ITPR1: variants seen among roughly 807,000 people sequenced by gnomAD.
ITPR1 encodes inositol 1,4,5-trisphosphate-gated calcium channel ITPR1.
A neutral mutation model predicts 318.4 loss-of-function variants in ITPR1; 96 were observed. The observed-to-expected ratio is 0.30, with a 90% confidence interval of 0.26 to 0.36. The LOEUF (loss-of-function observed/expected upper bound fraction) is 0.36, where lower values mean the gene tolerates loss of function less well. Ranked by LOEUF, ITPR1 falls within the 10% of genes least tolerant of loss-of-function variation. The pLI is 1.00. For missense variants in ITPR1, 2,440 were observed against 3,460.2 expected (o/e 0.71, Z 7.40); for synonymous variants, 1,312 against 1,289.9 (o/e 1.02, Z -0.37).
intron 44 of ITPR1, among the ~76,000 whole-genome samples, chr3:4,736,424 C>T (rs2043277053): frequency 6.6e-6 from 1 of 152,240 alleles, no homozygotes; most frequent in African/African-American, 2.4e-5. Flanking sequence ...GGTGAGATTT[C>T]AGTCCCTGCC....
At chr3:4,591,179 A>G (rs2090370460) in intron 4 of ITPR1, among the ~76,000 whole-genome samples, 2 of 152,352 alleles carry the variant, frequency 1.3e-5, no homozygotes, top group Middle Eastern at 6.8e-3. Context: ...ATAGTGCTTC[A>G]GTGAACATAA....
chr3:4,818,275 A>T (rs748759532), intron 60 of ITPR1, 33 bp downstream of exon 60: 2 of 1,539,098 alleles, frequency 1.3e-6, no homozygotes, highest in East Asian at 2.3e-5. Context: ...AGCAAGGTGG[A>T]CTTGGGGCCT....
At chr3:4,681,271 A>C in intron 25 of ITPR1, 93 bp from the exon 26 acceptor site, 1 of 854,374 alleles carries the variant, frequency 1.2e-6, no homozygotes, top group Non-Finnish European at 2.0e-6. Flanking sequence ...GGGTTAACTC[A>C]ACAGCTTTAC....
intron 2 of ITPR1, among the ~76,000 whole-genome samples, chr3:4,507,796 T>C (rs1206438924): frequency 6.6e-6 from 1 of 152,220 alleles, no homozygotes; most frequent in Non-Finnish European, 1.5e-5. Flanking sequence ...TGTCCTACAA[T>C]AGAAATTAGA....
At chr3:4,674,783 C>T (rs1000090745) in intron 22 of ITPR1, among the ~76,000 whole-genome samples, 1 of 150,946 alleles carries the variant, frequency 6.6e-6, no homozygotes, top group Non-Finnish European at 1.5e-5. Context: ...AATAACTCTG[C>T]TTGCCTGGTG....
At chr3:4,669,146 G>A (rs571289394) in intron 18 of ITPR1, among the ~76,000 whole-genome samples, 44 of 152,312 alleles carry the variant, frequency 2.9e-4, no homozygotes, top group African/African-American at 9.9e-4. Flanking sequence ...AAGCACTTCC[G>A]TTAATTATCT....
chr3:4,540,924 C>T (rs896005591), intron 4 of ITPR1, among the ~76,000 whole-genome samples: 3 of 151,694 alleles, frequency 2.0e-5, no homozygotes, highest in East Asian at 1.9e-4. Flanking sequence ...TCTGTTATTT[C>T]CCCCTCTACT....
Position 4,661,440 on chromosome 3 carries a change from A to G in ITPR1, c.1251+353A>G, listed in dbSNP as rs1468821701. Among the ~76,000 whole-genome samples the G allele has an allele frequency of 2.6e-5, 4 of 151,834 alleles. No homozygotes were observed. The East Asian group carries it at 5.8e-4, about 22-fold the overall frequency. The stretch of plus-strand genomic sequence containing the variant: ...TCAAGTATCTAGTTGATTTCCCCCA[A>G]TCTCTATTATTTGTTTCTCTCTATA... On this transcript the variant is annotated intron_variant, in intron 14 of 61. Coordinates refer to ENST00000649015, the MANE Select transcript of ITPR1 (RefSeq NM_001378452.1).
At chr3:4,800,212 G>C (rs2048138103) in intron 53 of ITPR1, 1 of 536,122 alleles carries the variant, frequency 1.9e-6, no homozygotes, top group Non-Finnish European at 3.2e-6. Flanking sequence ...GAGAAGGGAA[G>C]AACTTCCCAG....
intron 17 of ITPR1, among the ~76,000 whole-genome samples, chr3:4,666,111 A>G (rs766556286): frequency 1.3e-5 from 2 of 152,164 alleles, no homozygotes; most frequent in Non-Finnish European, 2.9e-5. Flanking sequence ...TGCCACATGG[A>G]GTACCGTAGG....
chr3:4,654,488 T>C (rs527622333), intron 12 of ITPR1, among the ~76,000 whole-genome samples: 3 of 152,364 alleles, frequency 2.0e-5, no homozygotes, highest in East Asian at 3.9e-4. Flanking sequence ...GTAGACACTT[T>C]GGACTTCAGG....
chr3:4,800,466 A>T lies in ITPR1; in HGVS notation c.6973A>T (p.Met2325Leu), dbSNP rs375240191. 10 of 1,614,048 alleles carry T rather than the reference A, an allele frequency of 6.2e-6. No individual in the cohort carries two copies. The highest frequency in any genetic ancestry group is 8.5e-6 in the Non-Finnish European group (10 of 1,179,890). Reference sequence around the variant, plus strand: ...CTGGTCGGGACTCCTGTGGACAGCCATGCTCATCTCTCTGGCCATCGTCAT... The same window carrying T: ...CTGGTCGGGACTCCTGTGGACAGCCTTGCTCATCTCTCTGGCCATCGTCAT... ...PHWSGLLWTA[M>L]LISLAIVIAL... is the part of the protein sequence containing the mutation. The change falls in exon 54 of 62, where the codon ATG (methionine) becomes TTG (leucine). Residue 2325 changes from methionine (M) to leucine (L), a missense_variant. Coordinates refer to ENST00000649015, the MANE Select transcript of ITPR1 (RefSeq NM_001378452.1).
At chr3:4,526,162 A>C (rs1389175428) in intron 4 of ITPR1, among the ~76,000 whole-genome samples, 1 of 152,246 alleles carries the variant, frequency 6.6e-6, no homozygotes, top group Non-Finnish European at 1.5e-5. Context: ...CATATCAATA[A>C]TATCAAAATG....
intron 43 of ITPR1, among the ~76,000 whole-genome samples, chr3:4,733,810 C>CA (rs142038623): frequency 0.11 from 16,966 of 151,976 alleles, 1,207 homozygotes; most frequent in Non-Finnish European, 0.16. Flanking sequence ...TGGGAGTTTA[C>CA]AAAAAAACAT....
At position 4,606,441 on chromosome 3, in the gene ITPR1, A is replaced by C. The variant is rs545261837; in HGVS notation, c.164-21322A>C. Reference sequence around the variant, plus strand: ...CTCAATCAGTGTGAAAGTTTATTTTACCAAGGTTAAGGTGATGCCTGGAAG... The same window carrying C: ...CTCAATCAGTGTGAAAGTTTATTTTCCCAAGGTTAAGGTGATGCCTGGAAG... On this transcript the variant is annotated intron_variant, in intron 4 of 61. Transcript: ENST00000649015. Among the ~76,000 whole-genome samples, 5 of 152,302 alleles carry C rather than the reference A, an allele frequency of 3.3e-5. No individual in the cohort carries two copies. In the East Asian group the frequency reaches 5.8e-4, roughly 18 times the overall value.
chr3:4,577,065 T>G (rs901192486), intron 4 of ITPR1, among the ~76,000 whole-genome samples: 2 of 152,230 alleles, frequency 1.3e-5, no homozygotes, highest in African/African-American at 4.8e-5. Flanking sequence ...AGAACAAGTA[T>G]GGGAATTTTT....
At chr3:4,761,340 T>C (rs1475627358) in intron 44 of ITPR1, among the ~76,000 whole-genome samples, 2 of 152,210 alleles carry the variant, frequency 1.3e-5, no homozygotes, top group African/African-American at 2.4e-5. Flanking sequence ...TATCTCTCAC[T>C]GACAAGTGAG....
At chr3:4,608,414 A>G (rs1346086002) in intron 4 of ITPR1, among the ~76,000 whole-genome samples, 1 of 152,150 alleles carries the variant, frequency 6.6e-6, no homozygotes, top group African/African-American at 2.4e-5. Context: ...AGAAGGGTCT[A>G]GAATGCTTTT....
chr3:4,612,811 C>G (rs1431357954), intron 4 of ITPR1, among the ~76,000 whole-genome samples: 1 of 152,100 alleles, frequency 6.6e-6, no homozygotes, highest in African/African-American at 2.4e-5. Context: ...TGCTTGAACC[C>G]AGGAGGCGGA....
Sources: gnomAD v4.1 joint callset for allele counts (sites outside exome capture counted in the v4.1 genomes callset) on GRCh38, gnomAD v4.1.1 for gene constraint, MANE v1.5 for transcripts, NCBI Gene and HGNC (gene_info 2026-07-23, HGNC 2026-07-21) for gene names.